The following PI4K2B variants were observed in gnomAD, a reference collection of about 807,000 sequenced individuals.
The protein encoded by PI4K2B is phosphatidylinositol 4-kinase type 2 beta, also known as phosphatidylinositol 4-kinase type 2-beta.
In PI4K2B, 46 loss-of-function variants were observed where a neutral mutation model predicts 56.6. The ratio of observed to expected loss-of-function variants is 0.81; its 90% CI spans 0.64 to 1.04. The LOEUF (loss-of-function observed/expected upper bound fraction) is 1.04, where lower values mean the gene tolerates loss of function less well. Ranked by LOEUF, PI4K2B falls within the 50% of genes least tolerant of loss-of-function variation. PI4K2B has a pLI of 0.00. For synonymous variants in PI4K2B, 211 were observed against 223.8 expected (o/e 0.94, Z 0.51); for missense variants, 556 against 607.7 (o/e 0.91, Z 0.89).
intron 1 of PI4K2B, among the ~76,000 whole-genome samples, chr4:25,244,672 C>T (rs1224741340): frequency 6.6e-6 from 1 of 152,194 alleles, no homozygotes; most frequent in African/African-American, 2.4e-5. Context: ...TGTTTCCCAT[C>T]TGAAAGACAA....
At chr4:25,241,934 G>A (rs900144424) in intron 1 of PI4K2B, among the ~76,000 whole-genome samples, 4 of 152,164 alleles carry the variant, frequency 2.6e-5, no homozygotes, top group Admixed American at 6.5e-5. Flanking sequence ...CATTCTACTA[G>A]ATGAGTATTT....
At chr4:25,249,815 G>T (rs1326733012) in intron 1 of PI4K2B, among the ~76,000 whole-genome samples, 1 of 152,218 alleles carries the variant, frequency 6.6e-6, no homozygotes, top group Non-Finnish European at 1.5e-5. Context: ...TCCTAGACGG[G>T]GTGGCGGTCG....
intron 1 of PI4K2B, among the ~76,000 whole-genome samples, 155 bp from the exon 2 acceptor site, chr4:25,252,166 G>C (rs553940069): frequency 3.9e-5 from 6 of 152,084 alleles, no homozygotes; most frequent in Non-Finnish European, 7.4e-5. Flanking sequence ...AGAGAAGTGG[G>C]GGTTGTTAGG....
At chr4:25,274,891 G>T (rs1009733871) in intron 9 of PI4K2B, among the ~76,000 whole-genome samples, 1 of 152,154 alleles carries the variant, frequency 6.6e-6, no homozygotes, top group South Asian at 2.1e-4. Flanking sequence ...TGCCACCCAG[G>T]TTCAAGCGAT....
At chr4:25,267,509 T>G (rs1716709817) in intron 7 of PI4K2B, among the ~76,000 whole-genome samples, 1 of 152,224 alleles carries the variant, frequency 6.6e-6, no homozygotes, top group Admixed American at 6.5e-5. Flanking sequence ...GAACTATGAT[T>G]GTGCCACTGC....
At chr4:25,274,832 G>T (rs956685579) in intron 9 of PI4K2B, among the ~76,000 whole-genome samples, 2 of 151,968 alleles carry the variant, frequency 1.3e-5, no homozygotes, top group African/African-American at 2.4e-5. Flanking sequence ...GTCTCCCTCT[G>T]TCACCCACGC....
chr4:25,239,449 A>G (rs1291627783), intron 1 of PI4K2B, among the ~76,000 whole-genome samples: 1 of 59,516 alleles, frequency 1.7e-5, no homozygotes, highest in Non-Finnish European at 7.4e-5. Context: ...GGGACCCAGC[A>G]GCACCCTCTG....
Position 25,277,226 on chromosome 4 carries a change from T to C in PI4K2B, c.*39T>C. 6.5e-7 allele frequency: 1 copy of C among 1,544,300 alleles called. No homozygotes were observed. Among genetic ancestry groups the C allele is most frequent in the Non-Finnish European group, 8.8e-7 (1 of 1,134,766 alleles). ...AAGAGAAACAAACTGTTTAGAATTA[T>C]CATGTTTTTAAAACATCATAGTAAT... On this transcript the variant is annotated 3_prime_UTR_variant, in exon 10 of 10. Coordinates refer to ENST00000264864, the MANE Select transcript of PI4K2B (RefSeq NM_018323.4).
At chr4:25,269,243 C>T (rs1716775315) in intron 9 of PI4K2B, 40 bp downstream of exon 9, 1 of 1,116,600 alleles carries the variant, frequency 9.0e-7, no homozygotes, top group East Asian at 2.4e-5. Context: ...AAAAAAATCT[C>T]TTTGAAACAG....
chr4:25,252,469 TAA>T lies in PI4K2B; in HGVS notation c.418_419del (p.Lys140GlufsTer8). Reference sequence around the variant, plus strand: ...GTGGAAGTTACTTTGTGAAGGATCCTAAGAGGGTGAGAATTTCACAGACCTAT... The same window carrying T: ...GTGGAAGTTACTTTGTGAAGGATCCTGAGGGTGAGAATTTCACAGACCTAT... ...SSGSYFVKDPKRKIIGVFKPK... is the reference protein window; with the variant it reads ...SSGSYFVKDPXRKIIGVFKPK... On this transcript the variant is annotated frameshift_variant, in exon 2 of 10. Coordinates refer to ENST00000264864, the MANE Select transcript of PI4K2B (RefSeq NM_018323.4). LOFTEE classifies it high-confidence loss of function. The T allele has an allele frequency of 6.2e-7, 1 of 1,605,436 alleles. No homozygotes were observed. The highest frequency in any genetic ancestry group is 1.3e-5 in the African/African-American group (1 of 74,890).
At position 25,238,810 on chromosome 4, in the gene PI4K2B, A is replaced by T. The variant is rs554293656; in HGVS notation, c.268+4379A>T. ...ATTTATTGCAAAGAGCGAAAGAACA[A>T]AGCTTCCACAGTGTGGAAGGGGACC... On this transcript the variant is annotated intron_variant, in intron 1 of 9. Coordinates refer to ENST00000264864, the MANE Select transcript of PI4K2B (RefSeq NM_018323.4). Among the ~76,000 whole-genome samples the T allele has an allele frequency of 2.6e-5, 4 of 152,278 alleles. No homozygotes were observed. In the South Asian group the frequency reaches 6.2e-4, roughly 24 times the overall value.
Position 25,277,347 on chromosome 4 carries a change from T to C in PI4K2B, c.*160T>C, listed in dbSNP as rs927069863. On this transcript the variant is annotated 3_prime_UTR_variant, in exon 10 of 10. Coordinates refer to ENST00000264864, the MANE Select transcript of PI4K2B (RefSeq NM_018323.4). ...GTAACCAAAAGTTTACAGTTTTTTG[T>C]CCAAATATTAAATTTCTATTTCAGG... The C allele has an allele frequency of 2.5e-6, 2 of 800,770 alleles. No homozygotes were observed. The highest frequency in any genetic ancestry group is 3.6e-5 in the South Asian group (1 of 27,414). The allele number at this position is 800,770 out of a possible 1,614,324, so 49.6% of individuals were successfully genotyped here.
intron 1 of PI4K2B, among the ~76,000 whole-genome samples, chr4:25,242,586 A>G (rs1184957607): frequency 6.6e-6 from 1 of 152,244 alleles, no homozygotes; most frequent in South Asian, 2.1e-4. Flanking sequence ...TGATGAGTCT[A>G]AGATCTTGCA....
At chr4:25,254,295 C>A in intron 2 of PI4K2B, 1 of 335,906 alleles carries the variant, frequency 3.0e-6, no homozygotes, top group Non-Finnish European at 4.2e-6. Context: ...TTAGAATGTA[C>A]ATTAATGTGG....
intron 7 of PI4K2B, among the ~76,000 whole-genome samples, chr4:25,265,198 C>CAAA (rs71188933): frequency 0.035 from 2,265 of 65,342 alleles, 166 homozygotes; most frequent in East Asian, 0.17. Flanking sequence ...TCTGTCTCAC[C>CAAA]AAAAAAAAAA....
intron 4 of PI4K2B, among the ~76,000 whole-genome samples, chr4:25,257,780 G>T (rs1371645004): frequency 6.6e-6 from 1 of 152,144 alleles, no homozygotes; most frequent in Non-Finnish European, 1.5e-5. Context: ...TTTTTAAAAG[G>T]CTTGTTCTTC....
chr4:25,276,739 T>C (rs1717110119), intron 9 of PI4K2B: 3 of 985,388 alleles, frequency 3.0e-6, no homozygotes, highest in Non-Finnish European at 3.6e-6. Flanking sequence ...CTCCTGGACA[T>C]AGGCAGGATA....
Position 25,260,637 on chromosome 4 carries a change from TATATACAC to T in PI4K2B, c.978+48_978+55del, listed in dbSNP as rs780665888. On this transcript the variant is annotated intron_variant, in intron 6 of 9. Transcript: ENST00000264864. ...ATATATATATATATATATATATATA[TATATACAC>T]ACACACACACACACACACATACACA... The T allele has an allele frequency of 7.6e-3, 374 of 49,506 alleles. 1 individual carries two copies. The highest frequency in any genetic ancestry group is 0.02 in the East Asian group (74 of 3,786). 3.1% of individuals were successfully genotyped at this position (49,506 alleles called of 1,614,324 possible).
chr4:25,252,497 T>G lies in PI4K2B; in HGVS notation c.423+22T>G, dbSNP rs897716713. The G allele has an allele frequency of 8.1e-6, 12 of 1,477,418 alleles. No homozygotes were observed. The African/African-American group carries it at 9.8e-5, about 12-fold the overall frequency. The allele number at this position is 1,477,418 out of a possible 1,614,324, so 91.5% of individuals were successfully genotyped here. ...GAGGGTGAGAATTTCACAGACCTAT[T>G]ATATGTAATGGAAACTTTGGTAAAT... On this transcript the variant is annotated intron_variant, in intron 2 of 9. Coordinates refer to ENST00000264864, the MANE Select transcript of PI4K2B (RefSeq NM_018323.4).
Sources: allele counts gnomAD v4.1 joint callset (sites outside exome capture counted in the v4.1 genomes callset), GRCh38; gene constraint gnomAD v4.1.1; transcripts MANE v1.5; gene names NCBI Gene and HGNC (gene_info 2026-07-23, HGNC 2026-07-21).